Variants in EDEM3 observed in about 807,000 individuals in gnomAD.
The protein encoded by EDEM3 is ER degradation enhancing alpha-mannosidase like protein 3.
Under a neutral mutation model 110.2 loss-of-function variants are expected in EDEM3, and 60 were observed. The ratio of observed to expected loss-of-function variants is 0.54; its 90% CI spans 0.44 to 0.67. The LOEUF (loss-of-function observed/expected upper bound fraction) is 0.67. Ranked by LOEUF, EDEM3 falls within the 30% of genes least tolerant of loss-of-function variation. The probability of loss-of-function intolerance (pLI) is 0.00; values close to 1 mark genes in which losing one functional copy is unlikely to be tolerated. For missense variants in EDEM3, 996 were observed against 1,121.0 expected (o/e 0.89, Z 1.59); for synonymous variants, 352 against 382.9 (o/e 0.92, Z 0.94).
intron 13 of EDEM3, among the ~76,000 whole-genome samples, chr1:184,713,236 C>T (rs550423071): frequency 2.9e-4 from 44 of 151,722 alleles, no homozygotes; most frequent in African/African-American, 1.0e-3. Flanking sequence ...CACTGCACTC[C>T]AGCCTGGGTG....
chr1:184,726,229 G>A, intron 7 of EDEM3, 26 bp downstream of exon 7: 1 of 1,610,144 alleles, frequency 6.2e-7, no homozygotes, highest in Non-Finnish European at 8.5e-7. Flanking sequence ...CAATACCCAG[G>A]ATATCAAAGA....
At chr1:184,748,895 G>A (rs750501263) in intron 2 of EDEM3, among the ~76,000 whole-genome samples, 127 of 152,206 alleles carry the variant, frequency 8.3e-4, no homozygotes, top group Non-Finnish European at 1.6e-3. Context: ...TAAGGGATAA[G>A]TTTCAGGATA....
chr1:184,733,932 TAAC>T (rs1409449720), intron 5 of EDEM3, among the ~76,000 whole-genome samples: 4 of 152,138 alleles, frequency 2.6e-5, no homozygotes, highest in Admixed American at 2.0e-4. Flanking sequence ...TGGCTATGGT[TAAC>T]AAACTACGTA....
chr1:184,736,655 G>A (rs1019682709), intron 4 of EDEM3, among the ~76,000 whole-genome samples: 4 of 152,092 alleles, frequency 2.6e-5, no homozygotes, highest in Admixed American at 6.6e-5. Context: ...GCAATATAAA[G>A]ATTCTAATTT....
At chr1:184,708,488 T>C (rs1316111075) in intron 16 of EDEM3, 144 bp from the exon 17 acceptor site, 1 of 720,756 alleles carries the variant, frequency 1.4e-6, no homozygotes, top group Non-Finnish European at 2.2e-6. Context: ...TATGACCTTA[T>C]TTGTACTCAA....
chr1:184,706,843 C>T, intron 17 of EDEM3, 35 bp from the exon 18 acceptor site: 1 of 1,601,412 alleles, frequency 6.2e-7, no homozygotes. Flanking sequence ...ATACTTTAAT[C>T]TTCTCAAATG....
intron 1 of EDEM3, among the ~76,000 whole-genome samples, chr1:184,750,464 G>A (rs538411265): frequency 6.6e-6 from 1 of 151,918 alleles, no homozygotes; most frequent in Admixed American, 6.6e-5. Flanking sequence ...GACCAGACAA[G>A]GCCAAATAAT....
chr1:184,723,166 C>G (rs943802447), intron 8 of EDEM3, among the ~76,000 whole-genome samples: 1 of 151,950 alleles, frequency 6.6e-6, no homozygotes, highest in Non-Finnish European at 1.5e-5. Flanking sequence ...CATCTCGTTA[C>G]TGGGCACTTA....
chr1:184,719,685 T>A, intron 9 of EDEM3, 117 bp from the exon 10 acceptor site: 1 of 953,942 alleles, frequency 1.0e-6, no homozygotes, highest in Non-Finnish European at 1.5e-6. Flanking sequence ...ATTCACTAAA[T>A]AACTACCAAT....
rs1179334652 is a variant in EDEM3, at chr1:184,690,397, G to A, written c.*3666C>T. On this transcript the variant is annotated 3_prime_UTR_variant, in exon 20 of 20. Transcript: ENST00000318130. The stretch of plus-strand genomic sequence containing the variant: ...ATGTCCCCAGAATTCAATCCCCGGA[G>A]GATAAAATGAGTTTAAAAAAAAAAG... The A allele has an allele frequency of 1.5e-5, 2 of 132,432 alleles. No individual in the cohort carries two copies. The highest frequency in any genetic ancestry group is 3.1e-5 in the African/African-American group (1 of 32,462). 8.2% of individuals were successfully genotyped at this position (132,432 alleles called of 1,614,324 possible).
In EDEM3 at chr1:184,754,559, G is replaced by A. The variant is rs758642659; in HGVS notation, c.88C>T (p.Leu30=). ...GTCCACACGGAGGTGGCCGACACCAGGCAGAACGCGGCCGTCGCCGCCACT... is the reference window on the plus strand; with the variant it reads ...GTCCACACGGAGGTGGCCGACACCAAGCAGAACGCGGCCGTCGCCGCCACT... ...RLVAATAAFC[L]VSATSVWTAG... The change falls in exon 1 of 20, where the codon CTG becomes TTG. Residue 30 remains leucine (L), a synonymous_variant. Transcript: ENST00000318130. The A allele has an allele frequency of 3.1e-6, 5 of 1,611,634 alleles. No homozygotes were observed. In the African/African-American group the frequency reaches 4.0e-5, roughly 13 times the overall value.
At chr1:184,696,312 C>T (rs1248880565) in intron 19 of EDEM3, among the ~76,000 whole-genome samples, 1 of 151,956 alleles carries the variant, frequency 6.6e-6, no homozygotes, top group Admixed American at 6.6e-5. Context: ...CCTAGTATTC[C>T]TCTACCCTAA....
chr1:184,736,399 C>T (rs886416948), intron 4 of EDEM3, among the ~76,000 whole-genome samples: 1 of 151,976 alleles, frequency 6.6e-6, no homozygotes, highest in Admixed American at 6.6e-5. Context: ...GAGAATTATG[C>T]CTTAAGGAAA....
intron 5 of EDEM3, among the ~76,000 whole-genome samples, 157 bp downstream of exon 5, chr1:184,734,374 T>C (rs999243631): frequency 1.3e-5 from 2 of 152,056 alleles, no homozygotes; most frequent in East Asian, 1.9e-4. Flanking sequence ...GAGGCTTAGA[T>C]AGGAGAATCG....
chr1:184,748,888 G>A (rs552471355), intron 2 of EDEM3, among the ~76,000 whole-genome samples: 1 of 152,270 alleles, frequency 6.6e-6, no homozygotes, highest in Non-Finnish European at 1.5e-5. Context: ...AAGGTTATAA[G>A]GGATAAGTTT....
chr1:184,731,609 C>A (rs1651522174), intron 6 of EDEM3, among the ~76,000 whole-genome samples: 1 of 152,184 alleles, frequency 6.6e-6, no homozygotes, highest in Admixed American at 6.5e-5. Context: ...TGCCCTCCCT[C>A]TGTCCTGTGA....
At chr1:184,711,043 T>C (rs1287572654) in intron 15 of EDEM3, among the ~76,000 whole-genome samples, 1 of 151,928 alleles carries the variant, frequency 6.6e-6, no homozygotes, top group African/African-American at 2.4e-5. Context: ...AAAAATCAAA[T>C]CCAAACAAAC....
chr1:184,718,321 A>T (rs1650668920), intron 11 of EDEM3, among the ~76,000 whole-genome samples: 1 of 152,128 alleles, frequency 6.6e-6, no homozygotes, highest in Non-Finnish European at 1.5e-5. Context: ...ATAAAAATAA[A>T]AGCAAACAAA....
intron 19 of EDEM3, among the ~76,000 whole-genome samples, chr1:184,701,732 T>C (rs1311025729): frequency 6.6e-6 from 1 of 152,100 alleles, no homozygotes; most frequent in Non-Finnish European, 1.5e-5. Flanking sequence ...AGAAAACCTT[T>C]GTATTCTGTT....
Sources: gnomAD v4.1 joint callset for allele counts (sites outside exome capture counted in the v4.1 genomes callset) on GRCh38, gnomAD v4.1.1 for gene constraint, MANE v1.5 for transcripts, NCBI Gene and HGNC (gene_info 2026-07-23, HGNC 2026-07-21) for gene names.